ADD2: variants seen among roughly 807,000 people sequenced by gnomAD.
The protein encoded by ADD2 is adducin 2, also known as beta-adducin.
Under a neutral mutation model 83.0 loss-of-function variants are expected in ADD2, and 23 were observed. The ratio of observed to expected loss-of-function variants is 0.28; its 90% confidence interval spans 0.20 to 0.39. The LOEUF (loss-of-function observed/expected upper bound fraction) is 0.39, where lower values mean the gene tolerates loss of function less well. Among genes scored for constraint, ADD2 ranks in the 10% least tolerant of loss-of-function variants. ADD2 has a pLI of 1.00. For missense variants in ADD2, 758 were observed against 944.9 expected, an observed-to-expected ratio of 0.80 and a Z score of 2.59; for synonymous variants, 375 against 375.4, an observed-to-expected ratio of 1.00 and a Z score of 0.01.
chr2:70,740,697 T>C (rs181624298), intron 1 of ADD2, among the ~76,000 whole-genome samples: 34 of 152,154 alleles, frequency 2.2e-4, no homozygotes, highest in Non-Finnish European at 3.8e-4. Context: ...TTTATTTTTA[T>C]TTTTATTTAT....
chr2:70,668,891 G>A (rs740388), intron 15 of ADD2, among the ~76,000 whole-genome samples: 21,518 of 152,136 alleles, frequency 0.14, 1,731 homozygotes, highest in African/African-American at 0.22. Flanking sequence ...TTGCTGACGC[G>A]CTTCTGAACA....
intron 15 of ADD2, among the ~76,000 whole-genome samples, chr2:70,664,523 T>C (rs1315538991): frequency 6.6e-6 from 1 of 152,162 alleles, no homozygotes; most frequent in East Asian, 1.9e-4. Flanking sequence ...GTCAGGGAGA[T>C]TGTAAAACCA....
Position 70,676,982 on chromosome 2 carries a change from C to A in ADD2, c.1504-97G>T. Reference sequence around the variant, plus strand: ...GGGTGTGCCTGGGGTCTAGAAAGGTCCTCTAGCGGTGTGGGAGCCCGTCAC... The same window carrying A: ...GGGTGTGCCTGGGGTCTAGAAAGGTACTCTAGCGGTGTGGGAGCCCGTCAC... On this transcript the variant is annotated intron_variant, in intron 12 of 15. Transcript: ENST00000264436. This position sits in a 1 kb window ranked among gnomAD's most constrained non-coding sequence, Gnocchi z 4.8. 6.6e-7 allele frequency: 1 copy of A among 1,511,348 alleles called. No individual in the cohort carries two copies. The highest frequency in any genetic ancestry group is 1.3e-5 in the South Asian group (1 of 75,484). 93.6% of individuals were successfully genotyped at this position (1,511,348 alleles called of 1,614,324 possible). A position where few individuals can be genotyped will look rare whatever the true frequency, so the allele number is the denominator to read the frequency against.
At chr2:70,741,896 T>C (rs1673936708) in intron 1 of ADD2, among the ~76,000 whole-genome samples, 1 of 151,424 alleles carries the variant, frequency 6.6e-6, no homozygotes, top group Non-Finnish European at 1.5e-5. Flanking sequence ...CCCCCACACA[T>C]CCCACCCAGC....
intron 1 of ADD2, among the ~76,000 whole-genome samples, chr2:70,764,143 C>T (rs1193995301): frequency 4.6e-5 from 7 of 151,826 alleles, no homozygotes; most frequent in Admixed American, 4.6e-4. Flanking sequence ...CTGCCTCGGC[C>T]TCCCAAAGTG....
chr2:70,668,268 T>C (rs537866350), intron 15 of ADD2, among the ~76,000 whole-genome samples: 1 of 152,242 alleles, frequency 6.6e-6, no homozygotes, highest in East Asian at 1.9e-4. Context: ...AGAACTCTAA[T>C]ACAGTCCCCT....
At chr2:70,690,452 A>C (rs1553371329) in intron 8 of ADD2, among the ~76,000 whole-genome samples, 1 of 152,170 alleles carries the variant, frequency 6.6e-6, no homozygotes, top group Non-Finnish European at 1.5e-5. Flanking sequence ...TTATAGCACA[A>C]CTATTCCCAT....
In ADD2 at chr2:70,657,168, G is replaced by C. The variant is rs914342824; in HGVS notation, c.*6257C>G. 3 of 152,140 alleles carry C rather than the reference G, an allele frequency of 2.0e-5. No individual in the cohort carries two copies. The highest frequency in any genetic ancestry group is 2.9e-5 in the Non-Finnish European group (2 of 68,038). The allele number at this position is 152,140 out of a possible 1,614,324, so 9.4% of individuals were successfully genotyped here. The stretch of plus-strand genomic sequence containing the variant: ...CATACTCAAGGGGGCCGGCATTTCA[G>C]TAGCAGAAAGAGTATTTACATGGAA... On this transcript the variant is annotated 3_prime_UTR_variant, in exon 16 of 16. Transcript: ENST00000264436.
At chr2:70,672,335 T>G (rs1669928668) in intron 15 of ADD2, among the ~76,000 whole-genome samples, 1 of 152,218 alleles carries the variant, frequency 6.6e-6, no homozygotes, top group Admixed American at 6.5e-5. Context: ...GCTGTACTCC[T>G]AAACCCACCT....
At chr2:70,707,336 G>A (rs1433859971) in intron 2 of ADD2, among the ~76,000 whole-genome samples, 4 of 152,232 alleles carry the variant, frequency 2.6e-5, no homozygotes, top group Non-Finnish European at 2.9e-5. Context: ...CATGCTGCCC[G>A]GCTGCCAGAG....
chr2:70,710,270 T>C (rs1672110395), intron 2 of ADD2, among the ~76,000 whole-genome samples: 1 of 152,182 alleles, frequency 6.6e-6, no homozygotes, highest in Admixed American at 6.5e-5. Flanking sequence ...CAGCACAGCC[T>C]TGTACTGAGC....
chr2:70,742,613 C>T (rs1206403782), intron 1 of ADD2, among the ~76,000 whole-genome samples: 1 of 152,126 alleles, frequency 6.6e-6, no homozygotes, highest in South Asian at 2.1e-4. Flanking sequence ...ATTGATTCTT[C>T]AACTCTTGTT....
At chr2:70,681,969 C>T (rs1558528396) in intron 10 of ADD2, among the ~76,000 whole-genome samples, 1 of 152,108 alleles carries the variant, frequency 6.6e-6, no homozygotes, top group Non-Finnish European at 1.5e-5. Context: ...CCACCTCTGA[C>T]TCAGACTCCC....
intron 2 of ADD2, among the ~76,000 whole-genome samples, chr2:70,712,639 G>T (rs557567386): frequency 4.6e-5 from 7 of 152,258 alleles, no homozygotes; most frequent in African/African-American, 1.7e-4. Flanking sequence ...AGAAGAATTA[G>T]GCTGGTTCTC....
rs1553375631 is a variant in ADD2, at chr2:70,712,454, AAT to A, written c.-35+610_-35+611del. On this transcript the variant is annotated intron_variant, in intron 2 of 15. Coordinates refer to ENST00000264436, the MANE Select transcript of ADD2 (RefSeq NM_001617.4). ...GGGAGACCCTGTCTCAAAAAAAATA[AAT>A]AAATAAAAAAAAAAAAAAAGAAACT... Among the ~76,000 whole-genome samples the A allele has an allele frequency of 1.7e-3, 229 of 138,720 alleles. 4 individuals are homozygous for A. The highest frequency in any genetic ancestry group is 7.1e-3 in the Middle Eastern group (2 of 282). 91.0% of individuals were successfully genotyped at this position (138,720 alleles called of 152,430 possible). A position where few individuals can be genotyped will look rare whatever the true frequency, so the allele number is the denominator to read the frequency against.
intron 1 of ADD2, among the ~76,000 whole-genome samples, chr2:70,718,430 A>G (rs1357545804): frequency 6.6e-6 from 1 of 152,172 alleles, no homozygotes; most frequent in African/African-American, 2.4e-5. Flanking sequence ...ACATACATAG[A>G]TACATGCACA....
rs146438983 is a variant in ADD2, at chr2:70,664,263, T to C, written c.1871-528A>G. Reference sequence around the variant, plus strand: ...GGCAGAGGGAGAGTGGAATTCCTTATATAACACAGACCCCATATTTCCAAG... The same window carrying C: ...GGCAGAGGGAGAGTGGAATTCCTTACATAACACAGACCCCATATTTCCAAG... On this transcript the variant is annotated intron_variant, in intron 15 of 15. Transcript: ENST00000264436. 5.2e-3 allele frequency among the ~76,000 whole-genome samples: 791 copies of C among 152,298 alleles called. 8 individuals are homozygous for C. The highest frequency in any genetic ancestry group is 0.017 in the African/African-American group (722 of 41,564).
At chr2:70,723,822 G>A (rs1052030933) in intron 1 of ADD2, among the ~76,000 whole-genome samples, 2 of 152,144 alleles carry the variant, frequency 1.3e-5, no homozygotes, top group Middle Eastern at 3.4e-3. Flanking sequence ...CAAAGAATGG[G>A]GTCAGATTTT....
intron 1 of ADD2, among the ~76,000 whole-genome samples, chr2:70,724,638 G>A (rs1672892770): frequency 6.6e-6 from 1 of 152,184 alleles, no homozygotes; most frequent in African/African-American, 2.4e-5. Context: ...CTCTGCTTTT[G>A]CTTTGGATTC....
Sources: gnomAD v4.1 joint callset for allele counts (sites outside exome capture counted in the v4.1 genomes callset) on GRCh38, gnomAD v4.1.1 for gene constraint, Gnocchi (gnomAD v3.1) non-coding constraint, MANE v1.5 for transcripts, NCBI Gene and HGNC (gene_info 2026-07-23, HGNC 2026-07-21) for gene names.